Variants in IQGAP1 observed in about 807,000 individuals in gnomAD.
IQGAP1 encodes the protein ras GTPase-activating-like protein IQGAP1.
A neutral mutation model predicts 215.6 loss-of-function variants in IQGAP1; 66 were observed. The observed-to-expected ratio is 0.31, with a 90% CI of 0.25 to 0.38. IQGAP1 has a LOEUF of 0.38. Among genes scored for constraint, IQGAP1 ranks in the 10% least tolerant of loss-of-function variants. The pLI, the probability that IQGAP1 is intolerant of heterozygous loss-of-function variation, is 1.00. For missense variants in IQGAP1, 1,712 were observed against 1,997.1 expected (o/e 0.86, Z 2.72); for synonymous variants, 772 against 728.7 (o/e 1.06, Z -0.96).
At chr15:90,445,216 G>C (rs1400489692) in intron 9 of IQGAP1, among the ~76,000 whole-genome samples, 1 of 151,594 alleles carries the variant, frequency 6.6e-6, no homozygotes, top group Admixed American at 6.6e-5. Flanking sequence ...TCTGTTAAAA[G>C]CTGTGTAACA....
chr15:90,423,787 A>G (rs1405129732), intron 2 of IQGAP1, among the ~76,000 whole-genome samples: 3 of 152,232 alleles, frequency 2.0e-5, no homozygotes, highest in African/African-American at 4.8e-5. Flanking sequence ...CTACCCAGCT[A>G]TAGGAAACAT....
chr15:90,471,518 A>ATTC (rs1965904782), intron 18 of IQGAP1, among the ~76,000 whole-genome samples: 1 of 139,288 alleles, frequency 7.2e-6, no homozygotes, highest in Non-Finnish European at 1.5e-5. Context: ...TTTTTTTTTG[A>ATTC]AGCGGAGTTT....
At position 90,491,598 on chromosome 15, in the gene IQGAP1, T is replaced by A. The variant is rs955421475; in HGVS notation, c.4461+53T>A. The A allele has an allele frequency of 2.8e-6, 4 of 1,431,820 alleles. No individual in the cohort carries two copies. The African/African-American group carries it at 4.2e-5, about 15-fold the overall frequency. 88.7% of individuals were successfully genotyped at this position (1,431,820 alleles called of 1,614,324 possible). On this transcript the variant is annotated intron_variant, in intron 34 of 37. Coordinates refer to ENST00000268182, the MANE Select transcript of IQGAP1 (RefSeq NM_003870.4). ...CCGGCCTTGTTCAAAGCTGAGAGGC[T>A]CGAGAGACAGTAGCTGTTCACATAA...
rs770924340 is a variant in IQGAP1 at position 90,453,133 on chromosome 15, A to G, written c.1328A>G (p.His443Arg). The stretch of plus-strand genomic sequence containing the variant: ...TCCCTTCTGTCCCTTTCTGTACAGC[A>G]TAATCTCACCCACCCAGAGCTCTCT... ...LATLQRQSPE[H>R]NLTHPELSVA... Residue 443 changes from histidine (H) to arginine (R), a missense_variant and splice_region_variant, in exon 13 of 38, where the codon CAT becomes CGT. Coordinates refer to ENST00000268182, the MANE Select transcript of IQGAP1 (RefSeq NM_003870.4). 6.2e-7 allele frequency: 1 copy of G among 1,610,182 alleles called. No homozygotes were observed. The highest frequency in any genetic ancestry group is 1.1e-5 in the South Asian group (1 of 90,220).
intron 18 of IQGAP1, among the ~76,000 whole-genome samples, chr15:90,467,995 T>C (rs1965855030): frequency 1.3e-5 from 2 of 152,190 alleles, no homozygotes; most frequent in East Asian, 3.8e-4. Context: ...TTTAAAGTAC[T>C]TTTTCATCTT....
intron 15 of IQGAP1, 146 bp downstream of exon 15, chr15:90,456,461 G>C (rs766557979): frequency 8.4e-6 from 6 of 716,454 alleles, no homozygotes; most frequent in Admixed American, 2.9e-5. Context: ...ACACAAAAAT[G>C]TGAGAGACAT....
intron 2 of IQGAP1, among the ~76,000 whole-genome samples, chr15:90,395,407 G>A (rs1012928481): frequency 4.6e-5 from 7 of 151,592 alleles, no homozygotes; most frequent in African/African-American, 1.7e-4. Flanking sequence ...TGCAAGCTCC[G>A]CCTCCCAGGT....
At chr15:90,401,326 G>A (rs1964801612) in intron 2 of IQGAP1, among the ~76,000 whole-genome samples, 4 of 151,944 alleles carry the variant, frequency 2.6e-5, no homozygotes, top group Admixed American at 2.6e-4. Flanking sequence ...TTGAATGTTG[G>A]GTTAAAATTT....
At chr15:90,485,817 TATATC>T (rs546781398) in intron 30 of IQGAP1, among the ~76,000 whole-genome samples, 114 of 152,334 alleles carry the variant, frequency 7.5e-4, no homozygotes, top group Middle Eastern at 3.4e-3. Flanking sequence ...TTCCTCTTCT[TATATC>T]ATAACATAAG....
chr15:90,494,827 A>G lies in IQGAP1; in HGVS notation c.4743A>G (p.Gln1581=). The change falls in exon 36 of 38, where the codon CAA becomes CAG. Residue 1581 remains glutamine, a synonymous_variant. Coordinates refer to ENST00000268182, the MANE Select transcript of IQGAP1 (RefSeq NM_003870.4). The part of the protein sequence containing the change: ...KGVLLEIEDL[Q]VNQFKNVIFE... The stretch of plus-strand genomic sequence containing the variant: ...TTCTTCTGGAAATTGAGGACCTGCA[A>G]GTGAATCAGTGAGTCTTTGCTTTTT... The G allele has an allele frequency of 6.2e-7, 1 of 1,602,874 alleles. No individual in the cohort carries two copies. Among genetic ancestry groups the G allele is most frequent in the Non-Finnish European group, 8.5e-7 (1 of 1,173,780 alleles).
intron 36 of IQGAP1, among the ~76,000 whole-genome samples, chr15:90,495,701 G>A (rs969402713): frequency 6.3e-5 from 9 of 143,536 alleles, no homozygotes; most frequent in African/African-American, 1.8e-4. Flanking sequence ...ACAGTGGCGC[G>A]ATCTCAGCTC....
chr15:90,446,422 G>T (rs1965528663), intron 9 of IQGAP1, among the ~76,000 whole-genome samples: 1 of 152,216 alleles, frequency 6.6e-6, no homozygotes, highest in African/African-American at 2.4e-5. Flanking sequence ...AGGGCAGCTT[G>T]ATTAGAGCAA....
chr15:90,433,838 A>T, intron 5 of IQGAP1, 43 bp downstream of exon 5: 1 of 1,163,482 alleles, frequency 8.6e-7, no homozygotes, highest in East Asian at 2.4e-5. Context: ...TATGAATAAC[A>T]TCTGAATTGA....
At position 90,452,761 on chromosome 15, in the gene IQGAP1, T is replaced by A. The variant is rs1007858761; in HGVS notation, c.1163-14T>A. On this transcript the variant is annotated splice_polypyrimidine_tract_variant and intron_variant, in intron 11 of 37. Coordinates refer to ENST00000268182, the MANE Select transcript of IQGAP1 (RefSeq NM_003870.4). Reference sequence around the variant, plus strand: ...CTAAGCCCACTGCGTTTCTGACTCCTGTTTTTTACACAGGATTGGCAGCAG... The same window carrying A: ...CTAAGCCCACTGCGTTTCTGACTCCAGTTTTTTACACAGGATTGGCAGCAG... The A allele has an allele frequency of 6.2e-7, 1 of 1,613,042 alleles. No individual in the cohort carries two copies. The highest frequency in any genetic ancestry group is 1.3e-5 in the African/African-American group (1 of 74,916).
At position 90,449,597 on chromosome 15, in the gene IQGAP1, G is replaced by A; in HGVS notation, c.1116G>A (p.Gln372=). The stretch of plus-strand genomic sequence containing the variant: ...ACCCCCTGCAGAAGGAGGAGCTGCA[G>A]TCTGGAGTGGATGCTGCAAACAGTG... ...QTDPLQKEEL[Q]SGVDAANSAA... Residue 372 remains glutamine (Q), a synonymous_variant, in exon 11 of 38, where the codon CAG becomes CAA. Coordinates refer to ENST00000268182, the MANE Select transcript of IQGAP1 (RefSeq NM_003870.4). 2 of 1,613,244 alleles carry A rather than the reference G, an allele frequency of 1.2e-6. No homozygotes were observed. The highest frequency in any genetic ancestry group is 1.7e-4 in the Middle Eastern group (1 of 6,058).
chr15:90,453,221 G>C lies in IQGAP1; in HGVS notation c.1416G>C (p.Val472=). ...LINRALESGD[V]NTVWKQLSSS... ...ACAGGGCATTGGAATCAGGAGATGT[G>C]AATACAGTGTGGAAGCAATTGAGCA... Residue 472 remains valine (V), a synonymous_variant, in exon 13 of 38, where the codon GTG becomes GTC. Coordinates refer to ENST00000268182, the MANE Select transcript of IQGAP1 (RefSeq NM_003870.4). The C allele has an allele frequency of 6.2e-7, 1 of 1,614,008 alleles. No individual in the cohort carries two copies. The highest frequency in any genetic ancestry group is 8.5e-7 in the Non-Finnish European group (1 of 1,179,928).
At chr15:90,490,232 T>A (rs1224522471) in intron 33 of IQGAP1, among the ~76,000 whole-genome samples, 1 of 152,140 alleles carries the variant, frequency 6.6e-6, no homozygotes, top group Non-Finnish European at 1.5e-5. Flanking sequence ...CAATGAAGTA[T>A]TGAGAGTAAA....
chr15:90,419,165 A>G (rs923713949), intron 2 of IQGAP1, among the ~76,000 whole-genome samples: 5 of 151,328 alleles, frequency 3.3e-5, no homozygotes, highest in African/African-American at 1.2e-4. Flanking sequence ...AAGCCAGAGT[A>G]TGGGCTTCAG....
chr15:90,492,782 G>C (rs1360158503), intron 35 of IQGAP1, 71 bp downstream of exon 35: 2 of 1,299,434 alleles, frequency 1.5e-6, no homozygotes, highest in African/African-American at 3.0e-5. Context: ...CAACTGAAAT[G>C]ACACTGGAAA....
Sources: gnomAD v4.1 joint callset for allele counts (sites outside exome capture counted in the v4.1 genomes callset) on GRCh38, gnomAD v4.1.1 for gene constraint, MANE v1.5 for transcripts, NCBI Gene and HGNC (gene_info 2026-07-23, HGNC 2026-07-21) for gene names.